The following PREP variants were observed in gnomAD, a reference collection of about 807,000 sequenced individuals.
PREP encodes the protein dJ355L5.1 (prolyl endopeptidase).
PREP carries 29 observed loss-of-function variants against 87.6 expected under a neutral mutation model. The ratio of observed to expected loss-of-function variants is 0.33; its 90% CI spans 0.25 to 0.45. The LOEUF (loss-of-function observed/expected upper bound fraction) is 0.45, where lower values mean the gene tolerates loss of function less well. Among genes scored for constraint, PREP ranks in the 20% least tolerant of loss-of-function variants. The pLI is 1.00. For missense variants in PREP, 695 were observed against 886.5 expected, an observed-to-expected ratio of 0.78 and a Z score of 2.74; for synonymous variants, 337 against 328.6, an observed-to-expected ratio of 1.03 and a Z score of -0.28.
intron 1 of PREP, among the ~76,000 whole-genome samples, chr6:105,399,613 A>G (rs1207481339): frequency 2.0e-5 from 3 of 152,248 alleles, no homozygotes. Context: ...AAATTTTAGC[A>G]GATTGTCACC....
chr6:105,323,687 G>T lies in PREP; in HGVS notation c.1295C>A (p.Ala432Asp), dbSNP rs1036300652. 6.2e-7 allele frequency: 1 copy of T among 1,611,718 alleles called. No homozygotes were observed. Among genetic ancestry groups the T allele is most frequent in the Non-Finnish European group, 8.5e-7 (1 of 1,177,776 alleles). ...FREVTVKGID[A>D]SDYQTVQIFY... ...TACCTGGACTGTCTGGTAATCAGAAGCATCAATTCCTTTTACGGTCACCTC... is the reference window on the plus strand; with the variant it reads ...TACCTGGACTGTCTGGTAATCAGAATCATCAATTCCTTTTACGGTCACCTC... Residue 432 changes from alanine to aspartate, a missense_variant, in exon 10 of 15, where the codon GCT becomes GAT. By Grantham distance (126) the Ala-to-Asp change is moderately radical (BLOSUM62 -2). Coordinates refer to ENST00000652536, the MANE Select transcript of PREP (RefSeq NM_002726.5).
chr6:105,342,247 C>T (rs1038845686), intron 7 of PREP, among the ~76,000 whole-genome samples: 5 of 152,150 alleles, frequency 3.3e-5, no homozygotes, highest in African/African-American at 9.7e-5. Context: ...AATCAACAAA[C>T]GTAATCCATC....
chr6:105,361,883 C>T (rs371259683), intron 6 of PREP, among the ~76,000 whole-genome samples: 3 of 152,072 alleles, frequency 2.0e-5, no homozygotes, highest in Non-Finnish European at 4.4e-5. Context: ...AACAGACATA[C>T]AGGGGAGCCA....
In PREP at chr6:105,274,297, C is replaced by CGG. The variant is rs146521064; in HGVS notation, c.*3845_*3846dup. Among the ~76,000 whole-genome samples the CGG allele has an allele frequency of 3.1e-3, 451 of 146,024 alleles. 1 individual carries two copies. The highest frequency in any genetic ancestry group is 0.011 in the African/African-American group (439 of 40,386). ...TCCTCACATGGTGGAAGGGATGGGG[C>CGG]GGGGGGGTCTCTCCTTGGGCTCTAA... On this transcript the variant is annotated 3_prime_UTR_variant, in exon 15 of 15. Transcript: ENST00000652536.
At chr6:105,371,345 A>C (rs1231357464) in intron 5 of PREP, among the ~76,000 whole-genome samples, 1 of 151,974 alleles carries the variant, frequency 6.6e-6, no homozygotes, top group East Asian at 1.9e-4. Context: ...TCTACTAAAA[A>C]TACAAAAAAA....
chr6:105,289,655 A>G (rs999356946), intron 10 of PREP, among the ~76,000 whole-genome samples: 1 of 152,240 alleles, frequency 6.6e-6, no homozygotes, highest in Non-Finnish European at 1.5e-5. Context: ...ATTAAAAGCT[A>G]GTCAACTGAT....
intron 2 of PREP, among the ~76,000 whole-genome samples, chr6:105,397,089 G>C (rs560849554): frequency 6.7e-6 from 1 of 149,990 alleles, no homozygotes; most frequent in African/African-American, 2.5e-5. Flanking sequence ...GGAGGCTGAG[G>C]TACAAGAATT....
At chr6:105,362,329 C>T (rs1347013539) in intron 6 of PREP, among the ~76,000 whole-genome samples, 6 of 152,116 alleles carry the variant, frequency 3.9e-5, no homozygotes, top group Non-Finnish European at 7.3e-5. Context: ...GGCTTGGTGG[C>T]GTACGCCTTT....
At chr6:105,358,019 A>G in intron 6 of PREP, among the ~76,000 whole-genome samples, 1 of 152,096 alleles carries the variant, frequency 6.6e-6, no homozygotes, top group Non-Finnish European at 1.5e-5. Flanking sequence ...TCTTTTGCAA[A>G]AACTAATAAT....
chr6:105,283,014 G>C (rs114525780), intron 12 of PREP, among the ~76,000 whole-genome samples: 17 of 152,224 alleles, frequency 1.1e-4, no homozygotes, highest in Admixed American at 1.1e-3. Context: ...GGCTGTGGGA[G>C]TGCTCGTGTC....
chr6:105,283,752 G>A (rs1231966489), intron 12 of PREP, among the ~76,000 whole-genome samples: 1 of 152,234 alleles, frequency 6.6e-6, no homozygotes, highest in East Asian at 1.9e-4. Context: ...TTTTGAGGAA[G>A]TTTATAAATC....
intron 6 of PREP, among the ~76,000 whole-genome samples, chr6:105,365,523 G>A (rs961432468): frequency 6.6e-6 from 1 of 152,126 alleles, no homozygotes; most frequent in Non-Finnish European, 1.5e-5. Flanking sequence ...GGCTTCTGAG[G>A]CGTCACAGCA....
At chr6:105,340,752 A>G (rs1402200133) in intron 7 of PREP, among the ~76,000 whole-genome samples, 3 of 152,242 alleles carry the variant, frequency 2.0e-5, no homozygotes, top group African/African-American at 7.2e-5. Context: ...AGTCTCTGAT[A>G]AAACAGACTT....
intron 2 of PREP, 132 bp downstream of exon 2, chr6:105,397,721 C>T (rs1773321914): frequency 1.5e-6 from 1 of 673,792 alleles, no homozygotes; most frequent in African/African-American, 1.8e-5. Flanking sequence ...GTAGTGGTAA[C>T]AACAGGTATA....
intron 10 of PREP, among the ~76,000 whole-genome samples, chr6:105,315,928 G>A (rs1770854249): frequency 6.6e-6 from 1 of 152,192 alleles, no homozygotes; most frequent in Non-Finnish European, 1.5e-5. Context: ...CTATGGATTA[G>A]GCCTTGGCTT....
chr6:105,287,550 C>T lies in PREP; in HGVS notation c.1454+1208G>A, dbSNP rs9500077. Among the ~76,000 whole-genome samples the T allele has an allele frequency of 5.3e-3, 813 of 152,318 alleles. 5 individuals carry two copies. The highest frequency in any genetic ancestry group is 0.019 in the African/African-American group (773 of 41,568). ...TCACTTGAGGGCAGGCATCATATTT[C>T]ATACTTCATTAAATCTAAAATAATG... On this transcript the variant is annotated intron_variant, in intron 11 of 14. Coordinates refer to ENST00000652536, the MANE Select transcript of PREP (RefSeq NM_002726.5).
At chr6:105,386,628 T>C (rs1301121499) in intron 2 of PREP, among the ~76,000 whole-genome samples, 1 of 152,212 alleles carries the variant, frequency 6.6e-6, no homozygotes, top group Non-Finnish European at 1.5e-5. Flanking sequence ...ACTTAGCTGC[T>C]TATGAATAGG....
chr6:105,376,095 G>A (rs1350335039), intron 4 of PREP, 30 bp downstream of exon 4: 2 of 1,600,586 alleles, frequency 1.2e-6, no homozygotes, highest in East Asian at 2.2e-5. Context: ...GGTCTTAGGA[G>A]TTCCACGGGC....
intron 8 of PREP, among the ~76,000 whole-genome samples, chr6:105,329,909 TG>T (rs1454961231): frequency 2.0e-5 from 3 of 151,584 alleles, no homozygotes; most frequent in African/African-American, 7.3e-5. Context: ...AGTGTGGAGA[TG>T]GAGGGGAAAT....
Sources: allele counts gnomAD v4.1 joint callset (sites outside exome capture counted in the v4.1 genomes callset), GRCh38; gene constraint gnomAD v4.1.1; transcripts MANE v1.5; gene names NCBI Gene and HGNC (gene_info 2026-07-23, HGNC 2026-07-21).